Variants in SHTN1 observed in about 807,000 individuals in gnomAD.
The protein encoded by SHTN1 is shootin 1.
In SHTN1, 42 loss-of-function variants were observed where a neutral mutation model predicts 83.1. The ratio of observed to expected loss-of-function variants is 0.51; its 90% CI spans 0.39 to 0.65. SHTN1 has a LOEUF of 0.65. Among genes scored for constraint, SHTN1 ranks in the 30% least tolerant of loss-of-function variants. The pLI is 0.00. For synonymous variants in SHTN1, 224 were observed against 247.7 expected, an observed-to-expected ratio of 0.90 and a Z score of 0.90; for missense variants, 622 against 737.8, an observed-to-expected ratio of 0.84 and a Z score of 1.82.
At chr10:117,079,200 C>A (rs1853217765) in intron 1 of SHTN1, among the ~76,000 whole-genome samples, 1 of 135,572 alleles carries the variant, frequency 7.4e-6, no homozygotes, top group Admixed American at 8.0e-5. Context: ...CCCGACCCCA[C>A]AACAGTCCCC....
chr10:117,124,067 T>C (rs1853970251), intron 1 of SHTN1, among the ~76,000 whole-genome samples: 1 of 151,822 alleles, frequency 6.6e-6, no homozygotes, highest in Non-Finnish European at 1.5e-5. Flanking sequence ...AAAAAATAGC[T>C]GGGCATGGTG....
intron 14 of SHTN1, among the ~76,000 whole-genome samples, chr10:116,910,158 T>G (rs1346574534): frequency 6.6e-6 from 1 of 152,152 alleles, no homozygotes; most frequent in Non-Finnish European, 1.5e-5. Flanking sequence ...GAATTACAAA[T>G]AGTCCATCCT....
intron 2 of SHTN1, among the ~76,000 whole-genome samples, chr10:117,047,087 CAG>C (rs1437455907): frequency 6.6e-6 from 1 of 151,986 alleles, no homozygotes; most frequent in African/African-American, 2.4e-5. Flanking sequence ...TTTTTTGAGA[CAG>C]AGTCTCACTC....
At chr10:117,000,403 A>G (rs987677758) in intron 1 of SHTN1, among the ~76,000 whole-genome samples, 32 of 152,216 alleles carry the variant, frequency 2.1e-4, no homozygotes, top group African/African-American at 7.5e-4. Context: ...TGTGAACTTA[A>G]GTATCATCTC....
At chr10:116,943,967 C>T (rs1330469942) in intron 8 of SHTN1, among the ~76,000 whole-genome samples, 1 of 152,134 alleles carries the variant, frequency 6.6e-6, no homozygotes, top group Non-Finnish European at 1.5e-5. Flanking sequence ...TGCATGTCAA[C>T]AGGTAAGCCG....
At chr10:116,945,044 A>AC (rs767225011) in intron 7 of SHTN1, 26 bp from the exon 8 acceptor site, 2 of 1,337,928 alleles carry the variant, frequency 1.5e-6, no homozygotes, top group Non-Finnish European at 2.1e-6. Context: ...GAAAAAAAAA[A>AC]CCCAGACAAT....
intron 1 of SHTN1, among the ~76,000 whole-genome samples, chr10:117,057,966 T>A (rs149222900): frequency 6.4e-4 from 98 of 152,284 alleles, no homozygotes; most frequent in African/African-American, 2.0e-3. Flanking sequence ...CTAAGAAAAC[T>A]GGATATCCAA....
chr10:117,023,610 T>C (rs909719826), intron 2 of SHTN1: 1 of 152,614 alleles, frequency 6.6e-6, no homozygotes, highest in African/African-American at 2.4e-5. Flanking sequence ...CTATTGCACT[T>C]TGGGAAATTT....
At chr10:117,022,687 G>A (rs751346367) in intron 2 of SHTN1, among the ~76,000 whole-genome samples, 1 of 152,180 alleles carries the variant, frequency 6.6e-6, no homozygotes, top group Non-Finnish European at 1.5e-5. Context: ...TTGGGAGGCC[G>A]AGGAGGGAGG....
intron 1 of SHTN1, among the ~76,000 whole-genome samples, chr10:116,985,910 G>C (rs1305215032): frequency 6.6e-6 from 1 of 152,174 alleles, no homozygotes; most frequent in Non-Finnish European, 1.5e-5. Context: ...TAACTTACTT[G>C]TTAATTAAAG....
At chr10:116,911,927 G>A in intron 13 of SHTN1, 84 bp from the exon 14 acceptor site, 1 of 971,024 alleles carries the variant, frequency 1.0e-6, no homozygotes, top group Non-Finnish European at 1.7e-6. Context: ...CAAACTATTA[G>A]TAGCCTTATA....
intron 7 of SHTN1, among the ~76,000 whole-genome samples, chr10:116,946,492 TATAA>T (rs1001104729): frequency 1.4e-5 from 2 of 142,854 alleles, no homozygotes; most frequent in African/African-American, 2.5e-5. Flanking sequence ...ATATTTTATA[TATAA>T]ATATATAAAA....
intron 1 of SHTN1, among the ~76,000 whole-genome samples, chr10:117,077,030 CTCATTTTATTTTTTCATA>C (rs1162630125): frequency 6.6e-6 from 1 of 152,132 alleles, no homozygotes; most frequent in Non-Finnish European, 1.5e-5. Context: ...CTCAGTACCT[CTCATTTTATTTTTTCATA>C]TTAGATCTTA....
chr10:117,106,616 G>GA (rs201633467), intron 1 of SHTN1, among the ~76,000 whole-genome samples: 2,173 of 152,302 alleles, frequency 0.014, 26 homozygotes, highest in Middle Eastern at 0.034. Context: ...GCTGGAAGTA[G>GA]AAATAGTAGC....
intron 1 of SHTN1, among the ~76,000 whole-genome samples, chr10:117,079,368 A>G (rs1853221807): frequency 7.5e-6 from 1 of 133,696 alleles, no homozygotes; most frequent in Non-Finnish European, 1.6e-5. Context: ...ACATGAACTC[A>G]TCATTTTTTA....
intron 1 of SHTN1, among the ~76,000 whole-genome samples, chr10:117,066,760 C>T (rs1853007129): frequency 6.6e-6 from 1 of 152,174 alleles, no homozygotes; most frequent in South Asian, 2.1e-4. Flanking sequence ...GAACGTGGGA[C>T]TTAGAAGACT....
intron 3 of SHTN1, among the ~76,000 whole-genome samples, chr10:116,968,413 T>A (rs1003762565): frequency 1.3e-5 from 2 of 152,258 alleles, no homozygotes; most frequent in African/African-American, 4.8e-5. Flanking sequence ...CTTTTCTGTA[T>A]AGTTAAACTG....
At chr10:117,055,625 T>C (rs1329186878) in intron 1 of SHTN1, among the ~76,000 whole-genome samples, 1 of 152,190 alleles carries the variant, frequency 6.6e-6, no homozygotes, top group African/African-American at 2.4e-5. Flanking sequence ...TCCAGCTACT[T>C]GGGAAGCTAA....
rs551792867 is a variant in SHTN1, at chr10:117,109,446, A to G, written c.-189+16861T>C. On this transcript the variant is annotated intron_variant, in intron 1 of 17. Transcript: ENST00000392901. ...AAAATTTCAGATTGGAAGGAAATAC[A>G]CCAAAATATTAACAGTGGTTTTCTC... 5.9e-5 allele frequency among the ~76,000 whole-genome samples: 9 copies of G among 151,914 alleles called. No homozygotes were observed. In the East Asian group the frequency reaches 1.7e-3, roughly 29 times the overall value.
Sources: gnomAD v4.1 joint callset for allele counts (sites outside exome capture counted in the v4.1 genomes callset) on GRCh38, gnomAD v4.1.1 for gene constraint, MANE v1.5 for transcripts, NCBI Gene and HGNC (gene_info 2026-07-23, HGNC 2026-07-21) for gene names.